Variants in RAB3GAP2 observed in about 807,000 individuals in gnomAD.
RAB3GAP2 encodes the protein rab3 GTPase-activating protein non-catalytic subunit.
RAB3GAP2 carries 87 observed loss-of-function variants against 185.3 expected under a neutral mutation model. The observed-to-expected ratio is 0.47, with a 90% CI of 0.39 to 0.56. The LOEUF (loss-of-function observed/expected upper bound fraction) is 0.56, where lower values mean the gene tolerates loss of function less well. Ranked by LOEUF, RAB3GAP2 falls within the 20% of genes least tolerant of loss-of-function variation. The pLI is 0.00. For missense variants in RAB3GAP2, 1,492 were observed against 1,638.2 expected, an observed-to-expected ratio of 0.91 and a Z score of 1.54; for synonymous variants, 554 against 576.1, an observed-to-expected ratio of 0.96 and a Z score of 0.55.
intron 24 of RAB3GAP2, among the ~76,000 whole-genome samples, chr1:220,169,791 T>C (rs188379888): frequency 3.2e-4 from 48 of 152,320 alleles, no homozygotes; most frequent in African/African-American, 1.2e-3. Flanking sequence ...TCAATCTTTA[T>C]GGTACTAAAA....
chr1:220,207,527 AAAG>A (rs955853293), intron 7 of RAB3GAP2: 2 of 152,108 alleles, frequency 1.3e-5, no homozygotes, highest in African/African-American at 2.4e-5. Context: ...TTCTCTTTTT[AAAG>A]AAGACTTCAG....
intron 2 of RAB3GAP2, among the ~76,000 whole-genome samples, chr1:220,230,178 G>A (rs924768672): frequency 6.6e-6 from 1 of 152,148 alleles, no homozygotes; most frequent in Non-Finnish European, 1.5e-5. Flanking sequence ...CCATGAAGTG[G>A]CCTGGTGTAA....
chr1:220,258,124 G>A (rs1660063854), intron 1 of RAB3GAP2, among the ~76,000 whole-genome samples: 1 of 152,078 alleles, frequency 6.6e-6, no homozygotes, highest in African/African-American at 2.4e-5. Context: ...GAAAGCCCAG[G>A]ACAAGATGGA....
intron 18 of RAB3GAP2, 61 bp downstream of exon 18, chr1:220,185,590 T>A: frequency 8.2e-7 from 1 of 1,222,036 alleles, no homozygotes; most frequent in Non-Finnish European, 1.2e-6. Flanking sequence ...TAGCTTTCTA[T>A]AATCAGAGTT....
chr1:220,229,791 C>G (rs1375348798), intron 2 of RAB3GAP2, among the ~76,000 whole-genome samples: 1 of 152,196 alleles, frequency 6.6e-6, no homozygotes, highest in African/African-American at 2.4e-5. Flanking sequence ...ACTGGAACCT[C>G]TTCTGAAATT....
chr1:220,190,110 T>C lies in RAB3GAP2; in HGVS notation c.1668A>G (p.Leu556=). 6.2e-7 allele frequency: 1 copy of C among 1,613,594 alleles called. No homozygotes were observed. The highest frequency in any genetic ancestry group is 8.5e-7 in the Non-Finnish European group (1 of 1,179,580). Residue 556 remains leucine, a synonymous_variant, in exon 16 of 35, where the codon CTA becomes CTG. Transcript: ENST00000358951. ...TCAGTAAGGCTGCTAGTTTCTTCAC[T>C]AGGTGCATATCCTTGGCTCGTTCAC... is the stretch of plus-strand genomic sequence containing the variant. ...KKSERAKDMH[L]VKKLAALLKT...
intron 1 of RAB3GAP2, among the ~76,000 whole-genome samples, chr1:220,245,587 G>A (rs1035471447): frequency 6.6e-6 from 1 of 152,052 alleles, no homozygotes; most frequent in African/African-American, 2.4e-5. Flanking sequence ...AGCGAGGCTG[G>A]GGGAGGGGCG....
intron 1 of RAB3GAP2, among the ~76,000 whole-genome samples, chr1:220,252,099 T>C (rs922349149): frequency 3.2e-4 from 44 of 138,260 alleles, no homozygotes; most frequent in African/African-American, 1.1e-3. Context: ...GAGGCAGCAG[T>C]GAGCCATGAT....
At position 220,254,562 on chromosome 1, in the gene RAB3GAP2, T is replaced by C. The variant is rs1035227389; in HGVS notation, c.115+17661A>G. The C allele has an allele frequency of 9.5e-6, 15 of 1,586,006 alleles. No homozygotes were observed. In the African/African-American group the frequency reaches 1.2e-4, roughly 13 times the overall value. ...TGTGAGAGGCACTCTCACTCACTTA[T>C]GTTTGGATCTCCGTAAACACATTTT... On this transcript the variant is annotated intron_variant, in intron 1 of 34. Transcript: ENST00000358951.
intron 31 of RAB3GAP2, among the ~76,000 whole-genome samples, chr1:220,156,711 T>C (rs757533257): frequency 7.9e-5 from 12 of 152,326 alleles, no homozygotes; most frequent in African/African-American, 2.9e-4. Context: ...GCATGATCTA[T>C]GGCAGAATTT....
At chr1:220,235,027 T>A (rs1487776384) in intron 1 of RAB3GAP2, among the ~76,000 whole-genome samples, 1 of 152,162 alleles carries the variant, frequency 6.6e-6, no homozygotes, top group Admixed American at 6.5e-5. Context: ...TCGACCAAAA[T>A]CACACAGGAG....
intron 26 of RAB3GAP2, among the ~76,000 whole-genome samples, 176 bp downstream of exon 26, chr1:220,167,117 A>T (rs1658081913): frequency 6.6e-6 from 1 of 152,192 alleles, no homozygotes; most frequent in South Asian, 2.1e-4. Flanking sequence ...TCACAGGTTT[A>T]CTGGGAGGAT....
At chr1:220,254,727 A>C (rs1660004031) in intron 1 of RAB3GAP2, among the ~76,000 whole-genome samples, 1 of 148,004 alleles carries the variant, frequency 6.8e-6, no homozygotes, top group Non-Finnish European at 1.5e-5. Flanking sequence ...TTTTTTTTTC[A>C]TTTCAAAGTT....
intron 1 of RAB3GAP2, among the ~76,000 whole-genome samples, chr1:220,234,333 T>C (rs898306696): frequency 6.6e-6 from 1 of 152,188 alleles, no homozygotes; most frequent in African/African-American, 2.4e-5. Context: ...AGGAAGCAAA[T>C]AGATTCACTT....
intron 28 of RAB3GAP2, among the ~76,000 whole-genome samples, chr1:220,159,739 C>T (rs752204960): frequency 1.6e-4 from 25 of 152,002 alleles, no homozygotes; most frequent in Non-Finnish European, 2.8e-4. Flanking sequence ...GAGCCTGGGC[C>T]GGGTGTGGTA....
At chr1:220,216,631 G>A (rs559334804) in intron 2 of RAB3GAP2, among the ~76,000 whole-genome samples, 240 of 152,252 alleles carry the variant, frequency 1.6e-3, no homozygotes, top group Middle Eastern at 3.4e-3. Flanking sequence ...TTTAGGCATT[G>A]CTTTTGATAA....
rs1347855134 is a variant in RAB3GAP2 at position 220,212,826 on chromosome 1, AG to A, written c.386+60del. The A allele has an allele frequency of 2.3e-6, 3 of 1,329,488 alleles. No homozygotes were observed. In the African/African-American group the frequency reaches 4.3e-5, roughly 19 times the overall value. 82.4% of individuals were successfully genotyped at this position (1,329,488 alleles called of 1,614,324 possible). A position where few individuals can be genotyped will look rare whatever the true frequency, so the allele number is the denominator to read the frequency against. ...AAACTTTTTAATAGATTCACCTACA[AG>A]TCAAATAATTTCATACATACATGTA... On this transcript the variant is annotated intron_variant, in intron 4 of 34. Transcript: ENST00000358951.
Position 220,175,234 on chromosome 1 carries a change from CT to C in RAB3GAP2, c.2311-2493del, listed in dbSNP as rs892701029. Among the ~76,000 whole-genome samples, 13 of 148,200 alleles carry C rather than the reference CT, an allele frequency of 8.8e-5. No homozygotes were observed. In the East Asian group the frequency reaches 2.2e-3, roughly 25 times the overall value. ...CATCAGATTTCTTTTCTTTTCTTTT[CT>C]TTTTTTTTTGAGACAGAGTCTCACT... On this transcript the variant is annotated intron_variant, in intron 21 of 34. Transcript: ENST00000358951.
intron 31 of RAB3GAP2, among the ~76,000 whole-genome samples, chr1:220,156,046 G>T (rs1335120856): frequency 6.6e-6 from 1 of 151,876 alleles, no homozygotes; most frequent in African/African-American, 2.4e-5. Context: ...TGCCTCCCAG[G>T]TTCAAGCGAT....
Sources: gnomAD v4.1 joint callset for allele counts (sites outside exome capture counted in the v4.1 genomes callset) on GRCh38, gnomAD v4.1.1 for gene constraint, MANE v1.5 for transcripts, NCBI Gene and HGNC (gene_info 2026-07-23, HGNC 2026-07-21) for gene names.